Variants in TENM2 observed in about 807,000 individuals in gnomAD.
TENM2 encodes the protein teneurin-2.
TENM2 carries 52 observed loss-of-function variants against 245.2 expected under a neutral mutation model. The observed-to-expected ratio is 0.21, with a 90% CI of 0.17 to 0.27. TENM2 has a LOEUF of 0.27. Ranked by LOEUF, TENM2 falls within the 10% of genes least tolerant of loss-of-function variation. The pLI is 1.00. For missense variants in TENM2, 3,046 were observed against 3,666.8 expected, an observed-to-expected ratio of 0.83 and a Z score of 4.37; for synonymous variants, 1,363 against 1,438.9, an observed-to-expected ratio of 0.95 and a Z score of 1.19.
chr5:168,049,153 G>A (rs775130891), intron 6 of TENM2, among the ~76,000 whole-genome samples: 11 of 152,088 alleles, frequency 7.2e-5, no homozygotes, highest in Admixed American at 4.6e-4. Context: ...CAGTTGGAAG[G>A]GGCATGGCAG....
intron 2 of TENM2, among the ~76,000 whole-genome samples, chr5:167,858,845 C>T (rs371115211): frequency 8.4e-6 from 1 of 118,934 alleles, no homozygotes; most frequent in Non-Finnish European, 1.8e-5. Flanking sequence ...GAGGAGCGGA[C>T]GGGCCCCGCG....
At chr5:167,475,390 T>C (rs77045431) in intron 2 of TENM2, among the ~76,000 whole-genome samples, 5,035 of 152,272 alleles carry the variant, frequency 0.033, 237 homozygotes, top group African/African-American at 0.1. Context: ...CATGAAAATA[T>C]TTTATTTATT....
At chr5:167,848,916 G>GT (rs1561851383) in intron 2 of TENM2, among the ~76,000 whole-genome samples, 3 of 151,964 alleles carry the variant, frequency 2.0e-5, no homozygotes, top group Admixed American at 1.3e-4. Flanking sequence ...TTTGCTTTTT[G>GT]TTTTTTGGGT....
the TENM2 span, among the ~76,000 whole-genome samples, chr5:167,125,811 A>G: frequency 1.3e-5 from 2 of 152,146 alleles, no homozygotes; most frequent in Admixed American, 6.6e-5. Flanking sequence ...AATTCTCACA[A>G]CATTTCTCAG....
the TENM2 span, among the ~76,000 whole-genome samples, chr5:167,081,392 TAGG>T: frequency 3.9e-5 from 6 of 152,180 alleles, no homozygotes; most frequent in Non-Finnish European, 8.8e-5. Context: ...GTGTGCCTTT[TAGG>T]AGAATATAGT....
At chr5:167,353,987 TGAA>T (rs1388179759) in intron 1 of TENM2, among the ~76,000 whole-genome samples, 1 of 152,162 alleles carries the variant, frequency 6.6e-6, no homozygotes, top group South Asian at 2.1e-4. Flanking sequence ...AAATGGAAGA[TGAA>T]GAAGAAAGAA....
chr5:167,364,714 A>C (rs977331561), intron 1 of TENM2, among the ~76,000 whole-genome samples: 1 of 152,088 alleles, frequency 6.6e-6, no homozygotes, highest in Non-Finnish European at 1.5e-5. Context: ...TTACAAGAGA[A>C]AAAGATGAGC....
chr5:167,918,221 G>A (rs559953564), intron 3 of TENM2, among the ~76,000 whole-genome samples: 1 of 152,300 alleles, frequency 6.6e-6, no homozygotes, highest in East Asian at 1.9e-4. Flanking sequence ...GTTGTGTTGA[G>A]TGAATACAAA....
At chr5:167,830,968 T>TA (rs2151091419) in intron 2 of TENM2, among the ~76,000 whole-genome samples, 1 of 152,276 alleles carries the variant, frequency 6.6e-6, no homozygotes, top group South Asian at 2.1e-4. Context: ...TCCAGCTTTT[T>TA]ATCTCCTAAA....
At chr5:168,113,580 T>C (rs911756248) in intron 9 of TENM2, among the ~76,000 whole-genome samples, 1 of 143,678 alleles carries the variant, frequency 7.0e-6, no homozygotes, top group Non-Finnish European at 1.5e-5. Context: ...TAAATAACAC[T>C]GATAATTCAT....
intron 2 of TENM2, among the ~76,000 whole-genome samples, chr5:167,843,084 A>G (rs188630510): frequency 6.6e-5 from 10 of 152,254 alleles, no homozygotes; most frequent in Admixed American, 1.3e-4. Flanking sequence ...AACTCCCACA[A>G]TTTTGCCTGC....
chr5:168,180,408 T>C (rs887294069), intron 13 of TENM2, among the ~76,000 whole-genome samples: 1 of 152,228 alleles, frequency 6.6e-6, no homozygotes, highest in African/African-American at 2.4e-5. Context: ...TGATGGCAGA[T>C]CCTCCCCTCC....
chr5:167,191,353 T>C, the TENM2 span, among the ~76,000 whole-genome samples: 6 of 152,184 alleles, frequency 3.9e-5, no homozygotes, highest in East Asian at 7.8e-4. Flanking sequence ...GCAACTTCTC[T>C]TTCTGATCAT....
At chr5:167,298,559 G>T (rs564830539) in intron 1 of TENM2, among the ~76,000 whole-genome samples, 2 of 152,174 alleles carry the variant, frequency 1.3e-5, no homozygotes, top group Non-Finnish European at 2.9e-5. Context: ...AGCCGAGATC[G>T]TGCCACTGCA....
Position 167,802,160 on chromosome 5 carries a change from C to T in TENM2, c.503-73826C>T, listed in dbSNP as rs570272892. Among the ~76,000 whole-genome samples, 9 of 152,208 alleles carry T rather than the reference C, an allele frequency of 5.9e-5. No homozygotes were observed. In the South Asian group the frequency reaches 1.9e-3, roughly 32 times the overall value. On this transcript the variant is annotated intron_variant, in intron 2 of 28. Coordinates refer to ENST00000518659, the Ensembl canonical transcript of TENM2. ...TTCATGAGGGCAGAGCCTTCATGGC[C>T]TAATCACCTCTTAAAGGCCCCACCT...
chr5:167,491,180 A>G (rs1158970432), intron 2 of TENM2, among the ~76,000 whole-genome samples: 1 of 152,150 alleles, frequency 6.6e-6, no homozygotes, highest in Non-Finnish European at 1.5e-5. Context: ...AGTTAGGCAC[A>G]CGATGGAGGC....
intron 2 of TENM2, among the ~76,000 whole-genome samples, chr5:167,868,084 C>T (rs1409523876): frequency 6.6e-6 from 1 of 152,188 alleles, no homozygotes; most frequent in Non-Finnish European, 1.5e-5. Flanking sequence ...AAAGCCATCA[C>T]ACGTAGTAAT....
intron 2 of TENM2, among the ~76,000 whole-genome samples, chr5:167,553,529 G>C (rs1773087655): frequency 6.6e-6 from 1 of 152,194 alleles, no homozygotes; most frequent in Admixed American, 6.5e-5. Flanking sequence ...GGAACTCAGA[G>C]CTTTGTATTC....
exon 2 of TENM2, chr5:167,375,411 G>C: frequency 6.4e-7 from 1 of 1,551,706 alleles, no homozygotes; most frequent in Non-Finnish European, 8.7e-7. Context: ...CTGTCCAGTC[G>C]TGAAAACTCG....
Sources: allele counts gnomAD v4.1 joint callset (sites outside exome capture counted in the v4.1 genomes callset), GRCh38; gene constraint gnomAD v4.1.1; transcripts MANE v1.5; gene names NCBI Gene and HGNC (gene_info 2026-07-23, HGNC 2026-07-21).